Variants in HECW1 observed in about 807,000 individuals in gnomAD.
HECW1 encodes the protein E3 ubiquitin-protein ligase HECW1.
A neutral mutation model predicts 182.3 loss-of-function variants in HECW1; 61 were observed. The ratio of observed to expected loss-of-function variants is 0.33; its 90% CI spans 0.27 to 0.41. The LOEUF is 0.41. Ranked by LOEUF, HECW1 falls within the 10% of genes least tolerant of loss-of-function variation. The pLI, the probability that HECW1 is intolerant of heterozygous loss-of-function variation, is 1.00. For missense variants in HECW1, 1,739 were observed against 2,108.9 expected, an observed-to-expected ratio of 0.82 and a Z score of 3.44; for synonymous variants, 859 against 832.6, an observed-to-expected ratio of 1.03 and a Z score of -0.55.
chr7:43,158,224 T>C (rs1790106034), intron 2 of HECW1, among the ~76,000 whole-genome samples: 1 of 152,206 alleles, frequency 6.6e-6, no homozygotes, highest in Non-Finnish European at 1.5e-5. Context: ...CAATACAGGT[T>C]GACCAATATG....
At chr7:43,416,402 G>A (rs1281156637) in intron 8 of HECW1, among the ~76,000 whole-genome samples, 2 of 150,948 alleles carry the variant, frequency 1.3e-5, no homozygotes, top group Non-Finnish European at 3.0e-5. Context: ...ATCTCCAGCT[G>A]CGTGCTGGGA....
At chr7:43,308,267 T>C (rs1489065035) in intron 3 of HECW1, among the ~76,000 whole-genome samples, 1 of 102,670 alleles carries the variant, frequency 9.7e-6, no homozygotes, top group Non-Finnish European at 2.0e-5. Context: ...ATATGATATA[T>C]TTATATATTA....
chr7:43,134,922 A>G (rs750090155), intron 2 of HECW1, among the ~76,000 whole-genome samples: 2 of 152,230 alleles, frequency 1.3e-5, no homozygotes, highest in East Asian at 3.8e-4. Context: ...TAAAAAATGT[A>G]TCAGAGCATT....
intron 2 of HECW1, among the ~76,000 whole-genome samples, chr7:43,117,317 C>G (rs1785135741): frequency 6.6e-6 from 1 of 152,124 alleles, no homozygotes; most frequent in Non-Finnish European, 1.5e-5. Context: ...CTTTCAGTTT[C>G]TCTCTGGTTC....
intron 13 of HECW1, among the ~76,000 whole-genome samples, chr7:43,458,372 A>G (rs1388058301): frequency 6.6e-6 from 1 of 152,232 alleles, no homozygotes; most frequent in Non-Finnish European, 1.5e-5. Flanking sequence ...ATGAAAGTTT[A>G]TCGGGGTGAT....
At chr7:43,154,231 G>C (rs1789643336) in intron 2 of HECW1, among the ~76,000 whole-genome samples, 1 of 152,052 alleles carries the variant, frequency 6.6e-6, no homozygotes, top group African/African-American at 2.4e-5. Flanking sequence ...TTTCTGCATT[G>C]TGGTCCAGTG....
At chr7:43,356,746 A>C (rs1204555210) in intron 5 of HECW1, among the ~76,000 whole-genome samples, 1 of 152,248 alleles carries the variant, frequency 6.6e-6, no homozygotes, top group African/African-American at 2.4e-5. Context: ...GAAATCTCAG[A>C]AACTACACAA....
chr7:43,223,333 C>A (rs567921927), intron 2 of HECW1, among the ~76,000 whole-genome samples: 39 of 152,268 alleles, frequency 2.6e-4, no homozygotes, highest in African/African-American at 9.4e-4. Flanking sequence ...AAACATTTGT[C>A]AAGGCCAGGC....
At chr7:43,488,480 G>GAAAGAAAGAAAAGA (rs1563046675) in intron 17 of HECW1, among the ~76,000 whole-genome samples, 11 of 147,670 alleles carry the variant, frequency 7.4e-5, no homozygotes, top group African/African-American at 2.9e-4. Flanking sequence ...AAGAAAGAAA[G>GAAAGAAAGAAAAGA]AAAGAAAGAG....
At position 43,546,626 on chromosome 7, in the gene HECW1, AAAAC is replaced by A. The variant is rs767529296; in HGVS notation, c.4249-3810_4249-3807del. Among the ~76,000 whole-genome samples the A allele has an allele frequency of 7.9e-4, 113 of 142,932 alleles. 1 individual carries two copies. The highest frequency in any genetic ancestry group is 7.2e-3 in the Middle Eastern group (2 of 278). The allele number at this position is 142,932 out of a possible 152,430, so 93.8% of individuals were successfully genotyped here. A position where few individuals can be genotyped will look rare whatever the true frequency, so the allele number is the denominator to read the frequency against. ...GGCATTGTCCAATATCAAAAAAAAA[AAAAC>A]AAACAAACTTTAAAAGGTAGTCCCT... On this transcript the variant is annotated intron_variant, in intron 26 of 29. Coordinates refer to ENST00000395891, the MANE Select transcript of HECW1 (RefSeq NM_015052.5).
intron 3 of HECW1, among the ~76,000 whole-genome samples, chr7:43,289,328 A>G (rs903838896): frequency 6.6e-6 from 1 of 151,752 alleles, no homozygotes; most frequent in Admixed American, 6.6e-5. Context: ...GATGGTCTCA[A>G]TCTCCTGACC....
chr7:43,508,727 G>T, intron 23 of HECW1: 1 of 519,252 alleles, frequency 1.9e-6, no homozygotes, highest in Non-Finnish European at 3.4e-6. Flanking sequence ...AAACACTAAG[G>T]AAAGCTGCCA....
intron 5 of HECW1, 140 bp downstream of exon 5, chr7:43,320,882 A>G: frequency 2.9e-6 from 2 of 688,116 alleles, no homozygotes; most frequent in East Asian, 5.5e-5. Flanking sequence ...AGAGATCCTT[A>G]AAAAGATGTT....
rs372011835 is a variant in HECW1 at position 43,360,917 on chromosome 7, T to C, written c.492T>C (p.His164=). 3.7e-6 allele frequency: 6 copies of C among 1,613,994 alleles called. No individual in the cohort carries two copies. In the South Asian group the frequency reaches 5.5e-5, roughly 15 times the overall value. ...PETKICFKYY[H]GVSGALRATT... ...CTAAGATCTGCTTCAAATACTACCA[T>C]GGAGTGAGTGGGGCCCTGCGAGCAA... Residue 164 remains histidine, a synonymous_variant, in exon 6 of 30, where the codon CAT becomes CAC. Coordinates refer to ENST00000395891, the MANE Select transcript of HECW1 (RefSeq NM_015052.5).
chr7:43,161,066 C>T (rs1000851634), intron 2 of HECW1, among the ~76,000 whole-genome samples: 11 of 151,632 alleles, frequency 7.3e-5, no homozygotes, highest in Admixed American at 4.6e-4. Flanking sequence ...TGGAGTAAAG[C>T]GGGGCTGGGA....
chr7:43,539,605 A>G (rs2081293279), intron 24 of HECW1, among the ~76,000 whole-genome samples: 1 of 152,208 alleles, frequency 6.6e-6, no homozygotes, highest in South Asian at 2.1e-4. Flanking sequence ...ATATCTGCAT[A>G]TATTTACTAC....
chr7:43,139,218 A>C (rs1282606365), intron 2 of HECW1, among the ~76,000 whole-genome samples: 1 of 152,260 alleles, frequency 6.6e-6, no homozygotes, highest in African/African-American at 2.4e-5. Context: ...AGCATTTGGC[A>C]TGAAACTCTT....
At chr7:43,138,317 G>A (rs909122009) in intron 2 of HECW1, among the ~76,000 whole-genome samples, 2 of 152,188 alleles carry the variant, frequency 1.3e-5, no homozygotes, top group Non-Finnish European at 2.9e-5. Flanking sequence ...AATCTATGCT[G>A]ATGATTAAAT....
intron 2 of HECW1, among the ~76,000 whole-genome samples, chr7:43,223,480 G>A (rs540940830): frequency 7.9e-5 from 12 of 152,120 alleles, no homozygotes; most frequent in Non-Finnish European, 1.3e-4. Context: ...TTAGCCAGGC[G>A]TGGTGATGCA....
Sources: allele counts gnomAD v4.1 joint callset (sites outside exome capture counted in the v4.1 genomes callset), GRCh38; gene constraint gnomAD v4.1.1; transcripts MANE v1.5; gene names NCBI Gene and HGNC (gene_info 2026-07-23, HGNC 2026-07-21).